The following CNTNAP5 variants were observed in gnomAD, a reference collection of about 807,000 sequenced individuals.
CNTNAP5 encodes contactin associated protein family member 5.
In CNTNAP5, 72 loss-of-function variants were observed where a neutral mutation model predicts 150.2. The observed-to-expected ratio is 0.48, with a 90% CI of 0.40 to 0.58. The LOEUF is 0.58. Among genes scored for constraint, CNTNAP5 ranks in the 20% least tolerant of loss-of-function variants. The probability of loss-of-function intolerance (pLI) is 0.00; values close to 1 mark genes in which losing one functional copy is unlikely to be tolerated. For missense variants in CNTNAP5, 1,636 were observed against 1,626.2 expected (o/e 1.01, Z -0.10); for synonymous variants, 672 against 619.8 (o/e 1.08, Z -1.25).
At chr2:124,102,487 C>G (rs1683086134) in intron 1 of CNTNAP5, among the ~76,000 whole-genome samples, 1 of 152,192 alleles carries the variant, frequency 6.6e-6, no homozygotes, top group South Asian at 2.1e-4. Context: ...TCACTTCAGG[C>G]AAGTCACTCA....
intron 2 of CNTNAP5, among the ~76,000 whole-genome samples, chr2:124,223,503 C>T (rs1027149763): frequency 6.6e-5 from 10 of 152,036 alleles, no homozygotes; most frequent in Admixed American, 6.6e-4. Context: ...GCAGGAAGCC[C>T]ACTTTCCATT....
intron 21 of CNTNAP5, among the ~76,000 whole-genome samples, chr2:124,889,461 A>T (rs1325655666): frequency 6.6e-6 from 1 of 152,100 alleles, no homozygotes; most frequent in Admixed American, 6.6e-5. Context: ...CAGTTTCATT[A>T]TTCTACGTAT....
At chr2:124,427,410 C>T (rs528633490) in intron 4 of CNTNAP5, among the ~76,000 whole-genome samples, 12 of 152,196 alleles carry the variant, frequency 7.9e-5, no homozygotes, top group African/African-American at 2.9e-4. Context: ...CCATTGATAT[C>T]AGGGTCACAT....
chr2:124,847,416 A>C (rs1186631702), intron 19 of CNTNAP5, among the ~76,000 whole-genome samples: 1 of 152,088 alleles, frequency 6.6e-6, no homozygotes, highest in Non-Finnish European at 1.5e-5. Flanking sequence ...CACAGGCCTC[A>C]CCCCACTCCC....
At chr2:124,281,546 T>C (rs952962872) in intron 3 of CNTNAP5, among the ~76,000 whole-genome samples, 1 of 152,130 alleles carries the variant, frequency 6.6e-6, no homozygotes, top group Admixed American at 6.6e-5. Context: ...AAAAAAGATA[T>C]TGTCTTGTTA....
chr2:124,221,915 G>C (rs962463189), intron 2 of CNTNAP5, 106 bp downstream of exon 2: 6 of 691,490 alleles, frequency 8.7e-6, no homozygotes, highest in African/African-American at 3.6e-5. Context: ...TCCAATGGCC[G>C]TCTTCAGGAA....
chr2:124,820,571 A>G (rs1309971768), intron 19 of CNTNAP5, among the ~76,000 whole-genome samples: 1 of 152,152 alleles, frequency 6.6e-6, no homozygotes, highest in Non-Finnish European at 1.5e-5. Flanking sequence ...AGAAGCAAAC[A>G]TTAAATAGGT....
At chr2:124,568,920 C>A (rs892893910) in intron 11 of CNTNAP5, among the ~76,000 whole-genome samples, 2 of 152,122 alleles carry the variant, frequency 1.3e-5, no homozygotes, top group Non-Finnish European at 2.9e-5. Flanking sequence ...TGGCGGCGGA[C>A]GCCTGTAGTC....
At chr2:124,584,513 T>A (rs1230562138) in intron 11 of CNTNAP5, among the ~76,000 whole-genome samples, 2 of 152,172 alleles carry the variant, frequency 1.3e-5, no homozygotes, top group African/African-American at 4.8e-5. Context: ...TGTTCATCTT[T>A]TCCTCAAACC....
chr2:124,177,895 G>A (rs1341067489), intron 1 of CNTNAP5, among the ~76,000 whole-genome samples: 5 of 150,304 alleles, frequency 3.3e-5, no homozygotes, highest in Non-Finnish European at 5.9e-5. Context: ...TGCCTAGGCT[G>A]GAGTGCAGTG....
intron 1 of CNTNAP5, among the ~76,000 whole-genome samples, chr2:124,191,675 G>C (rs988531934): frequency 6.6e-6 from 1 of 152,084 alleles, no homozygotes; most frequent in Non-Finnish European, 1.5e-5. Flanking sequence ...CAGTACTTTG[G>C]GAGGCCCAGG....
intron 3 of CNTNAP5, among the ~76,000 whole-genome samples, chr2:124,366,532 T>G (rs1459941204): frequency 6.6e-6 from 1 of 152,156 alleles, no homozygotes; most frequent in Non-Finnish European, 1.5e-5. Flanking sequence ...AACTACCAAG[T>G]CTGTGTCCTC....
chr2:124,070,396 G>GAAAAAAA (rs70996039), intron 1 of CNTNAP5, among the ~76,000 whole-genome samples: 4 of 72,964 alleles, frequency 5.5e-5, no homozygotes, highest in Admixed American at 1.7e-4. Flanking sequence ...GCTGAATGGG[G>GAAAAAAA]AAAAAAAAAA....
intron 2 of CNTNAP5, among the ~76,000 whole-genome samples, chr2:124,223,972 C>T (rs546657527): frequency 1.1e-4 from 16 of 151,878 alleles, no homozygotes; most frequent in African/African-American, 3.6e-4. Flanking sequence ...CAACCACGGC[C>T]CTCAGTGGGA....
intron 16 of CNTNAP5, among the ~76,000 whole-genome samples, chr2:124,767,968 C>T (rs1223917380): frequency 1.3e-5 from 2 of 152,256 alleles, no homozygotes; most frequent in African/African-American, 2.4e-5. Context: ...ACTCACTTGG[C>T]CCCCAAGAAC....
chr2:124,416,936 C>CTTTTTTTTTTTTTTTTTTT (rs70996064), intron 3 of CNTNAP5, among the ~76,000 whole-genome samples: 1 of 106,600 alleles, frequency 9.4e-6, no homozygotes, highest in Non-Finnish European at 1.9e-5. Flanking sequence ...AGAGGGATTT[C>CTTTTTTTTTTTTTTTTTTT]TTTTTTTTTT....
intron 1 of CNTNAP5, among the ~76,000 whole-genome samples, chr2:124,149,869 A>G (rs1684361756): frequency 6.6e-6 from 1 of 152,242 alleles, no homozygotes; most frequent in Non-Finnish European, 1.5e-5. Context: ...TGAACAGTGC[A>G]GAAGCAGGTT....
chr2:124,473,286 T>TA (rs11415802), intron 6 of CNTNAP5, among the ~76,000 whole-genome samples: 91,806 of 151,620 alleles, frequency 0.61, 28,404 homozygotes, highest in Middle Eastern at 0.75. Context: ...ATTTAAAAAA[T>TA]ATCCATTCTT....
At chr2:124,614,914 G>C (rs976332758) in intron 12 of CNTNAP5, among the ~76,000 whole-genome samples, 14 of 151,898 alleles carry the variant, frequency 9.2e-5, no homozygotes, top group East Asian at 5.8e-4. Flanking sequence ...AAATGTCTCT[G>C]ACACAAGTTC....
Sources: allele counts gnomAD v4.1 joint callset (sites outside exome capture counted in the v4.1 genomes callset), GRCh38; gene constraint gnomAD v4.1.1; transcripts MANE v1.5; gene names NCBI Gene and HGNC (gene_info 2026-07-23, HGNC 2026-07-21).